The following DNAI1 variants were observed in gnomAD, a reference collection of about 807,000 sequenced individuals.
DNAI1 encodes dynein axonemal intermediate chain 1.
DNAI1 carries 67 observed loss-of-function variants against 92.0 expected under a neutral mutation model. The ratio of observed to expected loss-of-function variants is 0.73; its 90% CI spans 0.60 to 0.89. The LOEUF (loss-of-function observed/expected upper bound fraction) is 0.89, where lower values mean the gene tolerates loss of function less well. Ranked by LOEUF, DNAI1 falls within the 40% of genes least tolerant of loss-of-function variation. The probability of loss-of-function intolerance (pLI) is 0.00; values close to 1 mark genes in which losing one functional copy is unlikely to be tolerated. For missense variants in DNAI1, 839 were observed against 866.6 expected (o/e 0.97, Z 0.40); for synonymous variants, 323 against 319.6 (o/e 1.01, Z -0.11).
At chr9:34,473,281 TA>T (rs1824175276) in intron 1 of DNAI1, among the ~76,000 whole-genome samples, 2 of 149,336 alleles carry the variant, frequency 1.3e-5, no homozygotes, top group South Asian at 4.2e-4. Context: ...AGCTTATTAT[TA>T]TTATTATTAT....
At chr9:34,460,754 C>T (rs540907157) in intron 1 of DNAI1, among the ~76,000 whole-genome samples, 2 of 152,172 alleles carry the variant, frequency 1.3e-5, no homozygotes, top group Non-Finnish European at 2.9e-5. Context: ...CCTCCACCTC[C>T]CCGATTCAAG....
intron 13 of DNAI1, among the ~76,000 whole-genome samples, chr9:34,511,293 C>G (rs986037703): frequency 6.6e-6 from 1 of 152,244 alleles, no homozygotes; most frequent in Admixed American, 6.5e-5. Flanking sequence ...CTCCAAAACA[C>G]TTTCCCATAT....
At chr9:34,518,544 G>C (rs989441312) in intron 19 of DNAI1, among the ~76,000 whole-genome samples, 15 of 152,264 alleles carry the variant, frequency 9.9e-5, no homozygotes, top group African/African-American at 3.4e-4. Context: ...AGGGGAGGGA[G>C]GGAGTCGGGC....
At position 34,512,440 on chromosome 9, in the gene DNAI1, C is replaced by G. The variant is rs776411404; in HGVS notation, c.1489+16C>G. The G allele has an allele frequency of 1.2e-6, 2 of 1,613,158 alleles. No homozygotes were observed. The highest frequency in any genetic ancestry group is 8.5e-7 in the Non-Finnish European group (1 of 1,179,328). On this transcript the variant is annotated intron_variant, in intron 15 of 19. Transcript: ENST00000242317. The stretch of plus-strand genomic sequence containing the variant: ...CACCCAGTGGGTAGGAGCCCCAGCC[C>G]TCTCACCTCCAGGCCTGGCCAGGTC...
At position 34,520,805 on chromosome 9, in the gene DNAI1, G is replaced by C; in HGVS notation, c.*49G>C. The C allele has an allele frequency of 6.5e-7, 1 of 1,536,130 alleles. No homozygotes were observed. The highest frequency in any genetic ancestry group is 2.0e-5 in the Admixed American group (1 of 50,976). On this transcript the variant is annotated 3_prime_UTR_variant, in exon 20 of 20. Coordinates refer to ENST00000242317, the MANE Select transcript of DNAI1 (RefSeq NM_012144.4). Reference sequence around the variant, plus strand: ...CATCGCTTGAATACAGTACTCCTAGGGCTTGACCCTGGTACCCAGCCCAGC... The same window carrying C: ...CATCGCTTGAATACAGTACTCCTAGCGCTTGACCCTGGTACCCAGCCCAGC...
At chr9:34,514,328 AC>A in intron 16 of DNAI1, 65 bp from the exon 17 acceptor site, 1 of 1,591,878 alleles carries the variant, frequency 6.3e-7, no homozygotes, top group South Asian at 1.1e-5. Flanking sequence ...GATCCTCCAG[AC>A]CCCCAGGGAA....
At chr9:34,498,006 TC>T in intron 10 of DNAI1, among the ~76,000 whole-genome samples, 1 of 152,282 alleles carries the variant, frequency 6.6e-6, no homozygotes, top group Non-Finnish European at 1.5e-5. Flanking sequence ...TGCAGACAGT[TC>T]AGAGAACTGA....
At chr9:34,483,311 C>T (rs1824410013) in intron 1 of DNAI1, 137 bp from the exon 2 acceptor site, 2 of 825,654 alleles carry the variant, frequency 2.4e-6, no homozygotes, top group African/African-American at 3.4e-5. Flanking sequence ...AGCGAGGGCT[C>T]TGAGGACTGC....
intron 4 of DNAI1, chr9:34,487,807 G>A (rs1824503305): frequency 6.4e-6 from 1 of 156,914 alleles, no homozygotes; most frequent in Non-Finnish European, 1.4e-5. Context: ...CGTGACTGGT[G>A]GCATCTTCCC....
intron 10 of DNAI1, among the ~76,000 whole-genome samples, chr9:34,498,171 A>G (rs1824762023): frequency 6.6e-6 from 1 of 152,194 alleles, no homozygotes; most frequent in Non-Finnish European, 1.5e-5. Flanking sequence ...GAATGGAGAA[A>G]AGGGAACAGT....
At chr9:34,486,692 T>A (rs1056852329) in intron 4 of DNAI1, among the ~76,000 whole-genome samples, 1 of 152,198 alleles carries the variant, frequency 6.6e-6, no homozygotes, top group African/African-American at 2.4e-5. Context: ...TTTAGTACAT[T>A]TATGGGTTGT....
Position 34,489,343 on chromosome 9 carries a change from T to C in DNAI1, c.282T>C (p.Ile94=), listed in dbSNP as rs374541022. The C allele has an allele frequency of 1.7e-5, 28 of 1,613,982 alleles. No homozygotes were observed. The highest frequency in any genetic ancestry group is 1.9e-5 in the Non-Finnish European group (23 of 1,179,992). Residue 94 remains isoleucine, a synonymous_variant, in exon 5 of 20, where the codon ATT becomes ATC. Coordinates refer to ENST00000242317, the MANE Select transcript of DNAI1 (RefSeq NM_012144.4). ...YSFKEGTYKP[I]GFVNQLAVHY... ...CTTAGGAAGGCACATATAAGCCTAT[T>C]GGCTTTGTGAACCAACTGGCAGTTC...
At chr9:34,514,604 T>A (rs758068485) in intron 17 of DNAI1, 36 bp from the exon 18 acceptor site, 2 of 1,614,006 alleles carry the variant, frequency 1.2e-6, no homozygotes, top group Admixed American at 3.3e-5. Context: ...CTGTGAGCCC[T>A]CTGTGCCATG....
chr9:34,466,723 T>G (rs1824045178), intron 1 of DNAI1, among the ~76,000 whole-genome samples: 1 of 152,240 alleles, frequency 6.6e-6, no homozygotes, highest in East Asian at 1.9e-4. Flanking sequence ...GAAACAGGTA[T>G]AGGGACCAAC....
chr9:34,507,448 A>G (rs1824959202), intron 13 of DNAI1, among the ~76,000 whole-genome samples: 1 of 152,260 alleles, frequency 6.6e-6, no homozygotes, highest in Non-Finnish European at 1.5e-5. Flanking sequence ...AAGAAAAAAT[A>G]TATTTACTGT....
chr9:34,501,032 C>G (rs1478054303), intron 11 of DNAI1, 106 bp from the exon 12 acceptor site: 1 of 1,063,936 alleles, frequency 9.4e-7, no homozygotes, highest in African/African-American at 1.6e-5. Flanking sequence ...AGCTGGAGAA[C>G]AGATGTCTGT....
chr9:34,504,111 G>A (rs16931564), intron 12 of DNAI1, among the ~76,000 whole-genome samples: 3,353 of 152,210 alleles, frequency 0.022, 132 homozygotes, highest in African/African-American at 0.076. Flanking sequence ...TTCCCAGAGC[G>A]CCATGTATTG....
At chr9:34,473,273 CTTATTATTATTATTA>C (rs5897573) in intron 1 of DNAI1, among the ~76,000 whole-genome samples, 3 of 146,086 alleles carry the variant, frequency 2.1e-5, no homozygotes, top group East Asian at 2.0e-4. Flanking sequence ...CTAAATCAAG[CTTATTATTATTATTA>C]TTATTATTAT....
At chr9:34,515,297 C>G (rs1825153275) in intron 18 of DNAI1, among the ~76,000 whole-genome samples, 1 of 152,158 alleles carries the variant, frequency 6.6e-6, no homozygotes, top group South Asian at 2.1e-4. Context: ...CACTGGCTGC[C>G]CCAAGGAAAG....
Sources: gnomAD v4.1 joint callset for allele counts (sites outside exome capture counted in the v4.1 genomes callset) on GRCh38, gnomAD v4.1.1 for gene constraint, MANE v1.5 for transcripts, NCBI Gene and HGNC (gene_info 2026-07-23, HGNC 2026-07-21) for gene names.